The following INTU variants were observed in gnomAD, a reference collection of about 807,000 sequenced individuals.
INTU encodes inturned planar cell polarity protein.
Under a neutral mutation model 100.5 loss-of-function variants are expected in INTU, and 68 were observed. The observed-to-expected ratio is 0.68, with a 90% CI of 0.56 to 0.83. The LOEUF (loss-of-function observed/expected upper bound fraction) is 0.83. INTU is among the 40% of genes least tolerant of loss of function. The probability of loss-of-function intolerance (pLI) is 0.00; values close to 1 mark genes in which losing one functional copy is unlikely to be tolerated. For synonymous variants in INTU, 357 were observed against 395.7 expected (o/e 0.90, Z 1.16); for missense variants, 1,071 against 1,114.7 (o/e 0.96, Z 0.56).
At chr4:127,656,228 T>G (rs7679782) in intron 2 of INTU, among the ~76,000 whole-genome samples, 23 of 152,066 alleles carry the variant, frequency 1.5e-4, no homozygotes, top group Non-Finnish European at 2.6e-4. Context: ...TGTTCCTATT[T>G]GGCCATCTTG....
chr4:127,707,392 CAAAAAAAAAA>C lies in INTU; in HGVS notation c.2271+439_2271+448del, dbSNP rs71587331. On this transcript the variant is annotated intron_variant, in intron 12 of 15. Coordinates refer to ENST00000335251, the MANE Select transcript of INTU (RefSeq NM_015693.4). ...TGGGTGACAGAGTGAGACTCTGTCT[CAAAAAAAAAA>C]AAAAAAAAAAAAAAAGAAATATCAA... 4.5e-5 allele frequency among the ~76,000 whole-genome samples: 2 copies of C among 44,584 alleles called. 1 individual carries two copies. Among genetic ancestry groups the C allele is most frequent in the Admixed American group, 7.1e-4 (2 of 2,834 alleles). 29.2% of individuals were successfully genotyped at this position (44,584 alleles called of 152,430 possible). A position where few individuals can be genotyped will look rare whatever the true frequency, so the allele number is the denominator to read the frequency against.
intron 1 of INTU, among the ~76,000 whole-genome samples, chr4:127,641,105 A>G (rs955956166): frequency 1.3e-5 from 2 of 151,868 alleles, no homozygotes; most frequent in Admixed American, 1.3e-4. Flanking sequence ...CATGTCTTCT[A>G]CTATTGCTTT....
intron 3 of INTU, 122 bp from the exon 4 acceptor site, chr4:127,663,259 C>T (rs1043004881): frequency 2.2e-5 from 15 of 679,238 alleles, no homozygotes; most frequent in Admixed American, 1.3e-4. Context: ...AGCACTCACT[C>T]TAGGATGATT....
chr4:127,709,744 C>CACACACAG, intron 13 of INTU, among the ~76,000 whole-genome samples: 1 of 151,430 alleles, frequency 6.6e-6, no homozygotes, highest in East Asian at 1.9e-4. Flanking sequence ...CACACACACA[C>CACACACAG]AGTACAGAGC....
At chr4:127,638,408 G>T (rs1365168623) in intron 1 of INTU, among the ~76,000 whole-genome samples, 2 of 152,150 alleles carry the variant, frequency 1.3e-5, no homozygotes, top group Non-Finnish European at 2.9e-5. Context: ...TGTGCCAGTG[G>T]GGCTGGCTGT....
chr4:127,706,477 T>C lies in INTU; in HGVS notation c.1789-10T>C. ...AGCTAAACCTACATTTGTAATTTTT[T>C]TCCCTATAGAAACATTATATGCTAT... On this transcript the variant is annotated splice_polypyrimidine_tract_variant and intron_variant, in intron 11 of 15. Transcript: ENST00000335251. The C allele has an allele frequency of 6.3e-7, 1 of 1,582,510 alleles. No individual in the cohort carries two copies. Among genetic ancestry groups the C allele is most frequent in the Non-Finnish European group, 8.6e-7 (1 of 1,164,006 alleles).
At chr4:127,682,733 C>T (rs1729636100) in intron 6 of INTU, among the ~76,000 whole-genome samples, 1 of 150,192 alleles carries the variant, frequency 6.7e-6, no homozygotes. Context: ...TACCCTAAAA[C>T]TTAAAAGTAT....
intron 1 of INTU, among the ~76,000 whole-genome samples, chr4:127,640,430 G>A (rs1727259052): frequency 6.6e-6 from 1 of 150,560 alleles, no homozygotes; most frequent in East Asian, 1.9e-4. Context: ...TTTTTAAAAA[G>A]TGTCTTTCTC....
At chr4:127,700,772 TAAA>T (rs370306956) in intron 9 of INTU, among the ~76,000 whole-genome samples, 2 of 137,738 alleles carry the variant, frequency 1.5e-5, no homozygotes, top group Admixed American at 7.3e-5. Flanking sequence ...ATAATGATAC[TAAA>T]AAAAAAAAAA....
chr4:127,716,333 T>C lies in INTU; in HGVS notation c.2726T>C (p.Phe909Ser). 6.5e-7 allele frequency: 1 copy of C among 1,546,946 alleles called. No homozygotes were observed. Among genetic ancestry groups the C allele is most frequent in the South Asian group, 1.2e-5 (1 of 81,522 alleles). Residue 909 changes from phenylalanine (F) to serine (S), a missense_variant, in exon 16 of 16, where the codon TTT (phenylalanine) becomes TCT (serine). Transcript: ENST00000335251. Reference sequence around the variant, plus strand: ...GTTCTTTTCTTCTGCAGGAGACTTTTTCTTCATCCAAAACCTCAAGAACTT... The same window carrying C: ...GTTCTTTTCTTCTGCAGGAGACTTTCTCTTCATCCAAAACCTCAAGAACTT... Reference protein sequence around the residue: ...VMAYWVVGRLFLHPKPQELYV... With the variant: ...VMAYWVVGRLSLHPKPQELYV...
At position 127,687,847 on chromosome 4, in the gene INTU, A is replaced by C. The variant is rs761691806; in HGVS notation, c.1429A>C (p.Thr477Pro). Reference protein sequence around the residue: ...LDNLPGVRWLTLPLEIKMELD... With the variant: ...LDNLPGVRWLPLPLEIKMELD... ...CAACCTCCCTGGAGTCCGGTGGCTC[A>C]CACTTCCACTGGAAATCAAGGTAAT... Residue 477 changes from threonine to proline, a missense_variant, in exon 8 of 16, where the codon ACA (threonine) becomes CCA (proline). Physicochemically the swap from Thr to Pro is conservative, Grantham distance 38. Coordinates refer to ENST00000335251, the MANE Select transcript of INTU (RefSeq NM_015693.4). 5 of 1,583,888 alleles carry C rather than the reference A, an allele frequency of 3.2e-6. No homozygotes were observed. The South Asian group carries it at 5.9e-5, about 19-fold the overall frequency.
chr4:127,679,276 C>T (rs1056369197), intron 6 of INTU, among the ~76,000 whole-genome samples: 1 of 152,192 alleles, frequency 6.6e-6, no homozygotes, highest in East Asian at 1.9e-4. Flanking sequence ...ACAGAACTCT[C>T]GACCCCAAAT....
rs1242669355 is a variant in INTU, at chr4:127,706,767, C to T, written c.2069C>T (p.Pro690Leu). Residue 690 changes from proline (P) to leucine (L), a missense_variant, in exon 12 of 16, where the codon CCA (proline) becomes CTA (leucine). Physicochemically the swap from Pro to Leu is moderately conservative, Grantham distance 98. Coordinates refer to ENST00000335251, the MANE Select transcript of INTU (RefSeq NM_015693.4). ...GGTACTTCCAAAGTAGCAACTTCTC[C>T]AACATGCAGAAGAACGCTTTTTGGT... The part of the protein sequence containing the change: ...LQGTSKVATS[P>L]TCRRTLFGDY... 6.2e-7 allele frequency: 1 copy of T among 1,614,098 alleles called. No individual in the cohort carries two copies.
intron 13 of INTU, among the ~76,000 whole-genome samples, chr4:127,709,711 T>TCACACACAGA (rs34324860): frequency 5.0e-4 from 72 of 143,398 alleles, no homozygotes; most frequent in Middle Eastern, 3.5e-3. Context: ...CTAATAGAAT[T>TCACACACAGA]CACACACACA....
At chr4:127,637,449 A>G (rs1254141895) in intron 1 of INTU, among the ~76,000 whole-genome samples, 1 of 152,102 alleles carries the variant, frequency 6.6e-6, no homozygotes, top group East Asian at 1.9e-4. Context: ...CTTATTCTCA[A>G]ATTGACCACT....
At chr4:127,681,341 G>C (rs1479872854) in intron 6 of INTU, among the ~76,000 whole-genome samples, 1 of 152,122 alleles carries the variant, frequency 6.6e-6, no homozygotes, top group African/African-American at 2.4e-5. Context: ...CACCCTACCT[G>C]ACTTCAAACT....
chr4:127,706,785 T>C lies in INTU; in HGVS notation c.2087T>C (p.Leu696Pro), dbSNP rs1281428832. The change falls in exon 12 of 16, where the codon CTT (leucine) becomes CCT (proline). Residue 696 changes from leucine (L) to proline (P), a missense_variant. Transcript: ENST00000335251. ...ACTTCTCCAACATGCAGAAGAACGC[T>C]TTTTGGTGACTATTCCTTAAAGACA... ...VATSPTCRRT[L>P]FGDYSLKTRK... 6.2e-7 allele frequency: 1 copy of C among 1,614,072 alleles called. No homozygotes were observed. Among genetic ancestry groups the C allele is most frequent in the East Asian group, 2.2e-5 (1 of 44,874 alleles).
At position 127,720,087 on chromosome 4, in the gene INTU, G is replaced by A. The variant is rs754944876; in HGVS notation, c.*3651G>A. On this transcript the variant is annotated 3_prime_UTR_variant, in exon 16 of 16. Coordinates refer to ENST00000335251, the MANE Select transcript of INTU (RefSeq NM_015693.4). ...TTGTGATACTAGGGTGTCGATTTGA[G>A]ATCTTTCTAGCTTTTTGATGTGGGC... 1 of 152,038 alleles carries A rather than the reference G, an allele frequency of 6.6e-6. No homozygotes were observed. Among genetic ancestry groups the A allele is most frequent in the Non-Finnish European group, 1.5e-5 (1 of 68,006 alleles). 9.4% of individuals were successfully genotyped at this position (152,038 alleles called of 1,614,324 possible). A position where few individuals can be genotyped will look rare whatever the true frequency, so the allele number is the denominator to read the frequency against.
intron 9 of INTU, 80 bp from the exon 10 acceptor site, chr4:127,704,148 A>T: frequency 8.6e-7 from 1 of 1,158,784 alleles, no homozygotes; most frequent in South Asian, 1.4e-5. Flanking sequence ...TATAATTTTC[A>T]TTTTAACTAT....
Sources: gnomAD v4.1 joint callset for allele counts (sites outside exome capture counted in the v4.1 genomes callset) on GRCh38, gnomAD v4.1.1 for gene constraint, MANE v1.5 for transcripts, NCBI Gene and HGNC (gene_info 2026-07-23, HGNC 2026-07-21) for gene names.